CCSER1: variants seen among roughly 807,000 people sequenced by gnomAD.
CCSER1 encodes serine-rich coiled-coil domain-containing protein 1.
Under a neutral mutation model 82.0 loss-of-function variants are expected in CCSER1, and 41 were observed. The ratio of observed to expected loss-of-function variants is 0.50; its 90% CI spans 0.39 to 0.65. CCSER1 has a LOEUF of 0.65. Ranked by LOEUF, CCSER1 falls within the 30% of genes least tolerant of loss-of-function variation. CCSER1 has a pLI of 0.00. For missense variants in CCSER1, 1,119 were observed against 1,064.2 expected, an observed-to-expected ratio of 1.05 and a Z score of -0.72; for synonymous variants, 414 against 383.9, an observed-to-expected ratio of 1.08 and a Z score of -0.92.
At chr4:90,950,385 C>T (rs11728310) in intron 9 of CCSER1, among the ~76,000 whole-genome samples, 2,266 of 152,124 alleles carry the variant, frequency 0.015, 39 homozygotes, top group East Asian at 0.045. Flanking sequence ...ATTTTTATTA[C>T]TGAGTACGTC....
rs541840018 is a variant in CCSER1, at chr4:91,432,217, G to A, written c.2218-166355G>A. On this transcript the variant is annotated intron_variant, in intron 10 of 10. Coordinates refer to ENST00000509176, the MANE Select transcript of CCSER1 (RefSeq NM_001145065.2). ...GGCCTCCCTAGCTGTGTGGAACTGT[G>A]AGTCAATTAAACCTCTTTTCTCTAT... Among the ~76,000 whole-genome samples, 17 of 152,260 alleles carry A rather than the reference G, an allele frequency of 1.1e-4. 1 individual carries two copies. The South Asian group carries it at 2.9e-3, about 26-fold the overall frequency.
intron 10 of CCSER1, among the ~76,000 whole-genome samples, chr4:91,454,542 C>A (rs942052003): frequency 6.6e-6 from 1 of 152,018 alleles, no homozygotes; most frequent in Non-Finnish European, 1.5e-5. Flanking sequence ...TTTTGGCAAA[C>A]TTCCTTTTGC....
chr4:91,165,021 T>C (rs1731880102), intron 10 of CCSER1, among the ~76,000 whole-genome samples: 1 of 152,216 alleles, frequency 6.6e-6, no homozygotes, highest in Non-Finnish European at 1.5e-5. Flanking sequence ...GCTCTAATTT[T>C]TAGAATTTTC....
chr4:91,155,870 A>T (rs1730766154), intron 10 of CCSER1, among the ~76,000 whole-genome samples: 1 of 151,928 alleles, frequency 6.6e-6, no homozygotes, highest in Non-Finnish European at 1.5e-5. Flanking sequence ...ACAAGACCAT[A>T]TTTGGTTAGA....
intron 4 of CCSER1, among the ~76,000 whole-genome samples, chr4:90,414,633 G>A (rs1308228937): frequency 6.6e-6 from 1 of 151,940 alleles, no homozygotes; most frequent in Non-Finnish European, 1.5e-5. Flanking sequence ...TATTGTTTTT[G>A]TCACAAATTG....
At chr4:90,389,062 A>AT (rs775075784) in intron 3 of CCSER1, among the ~76,000 whole-genome samples, 2 of 152,198 alleles carry the variant, frequency 1.3e-5, no homozygotes, top group South Asian at 2.1e-4. Flanking sequence ...AAAAATGTCC[A>AT]TTTTTTAAGA....
chr4:90,342,917 G>T (rs2153505568), intron 3 of CCSER1, among the ~76,000 whole-genome samples: 1 of 151,404 alleles, frequency 6.6e-6, no homozygotes, highest in South Asian at 2.1e-4. Context: ...TTATCTTATT[G>T]CTCTTTTCTT....
chr4:90,797,896 C>T (rs992327381), intron 7 of CCSER1, among the ~76,000 whole-genome samples: 2 of 152,162 alleles, frequency 1.3e-5, no homozygotes, highest in African/African-American at 4.8e-5. Context: ...TCTCTAGCTC[C>T]CTTTAACATT....
chr4:91,179,161 C>G (rs900293190), intron 10 of CCSER1, among the ~76,000 whole-genome samples: 1 of 152,142 alleles, frequency 6.6e-6, no homozygotes, highest in African/African-American at 2.4e-5. Flanking sequence ...GAGTTTCTGC[C>G]AAGAGATACA....
chr4:90,915,507 A>T (rs1191274916), intron 8 of CCSER1, among the ~76,000 whole-genome samples: 3 of 152,206 alleles, frequency 2.0e-5, no homozygotes, highest in African/African-American at 7.2e-5. Context: ...TATTGATGGG[A>T]TGTATCTCAA....
At chr4:91,514,573 C>A (rs1373519774) in intron 10 of CCSER1, among the ~76,000 whole-genome samples, 1 of 152,038 alleles carries the variant, frequency 6.6e-6, no homozygotes, top group Non-Finnish European at 1.5e-5. Context: ...TTATTGTTGT[C>A]CAGGTAAGCC....
chr4:90,764,078 G>T (rs1389115111), intron 7 of CCSER1, among the ~76,000 whole-genome samples: 1 of 152,070 alleles, frequency 6.6e-6, no homozygotes, highest in Non-Finnish European at 1.5e-5. Flanking sequence ...AAGTTATATT[G>T]ACTCACCAGG....
intron 10 of CCSER1, among the ~76,000 whole-genome samples, chr4:91,254,049 T>A (rs747722080): frequency 1.3e-5 from 2 of 152,090 alleles, no homozygotes; most frequent in Non-Finnish European, 2.9e-5. Flanking sequence ...GGGACACAGA[T>A]TGAAACTATA....
At chr4:91,029,563 G>C (rs1170109595) in intron 9 of CCSER1, among the ~76,000 whole-genome samples, 1 of 151,932 alleles carries the variant, frequency 6.6e-6, no homozygotes, top group Non-Finnish European at 1.5e-5. Context: ...TCCATGACCT[G>C]CCTAAGTCTT....
chr4:90,539,132 A>G (rs1775784199), intron 5 of CCSER1, among the ~76,000 whole-genome samples: 2 of 152,136 alleles, frequency 1.3e-5, no homozygotes, highest in South Asian at 2.1e-4. Flanking sequence ...TTATATCACA[A>G]TTTTGTTTTA....
intron 1 of CCSER1, among the ~76,000 whole-genome samples, chr4:90,228,963 G>A (rs1031787065): frequency 1.3e-5 from 2 of 152,168 alleles, no homozygotes; most frequent in African/African-American, 4.8e-5. Flanking sequence ...AAGAAATATG[G>A]GACTACGTGT....
intron 5 of CCSER1, among the ~76,000 whole-genome samples, chr4:90,540,700 T>A (rs1775996332): frequency 6.6e-6 from 1 of 152,032 alleles, no homozygotes; most frequent in Admixed American, 6.6e-5. Flanking sequence ...GGCAGAGAGC[T>A]TAGGAAATCA....
At chr4:91,243,928 G>C (rs2149133992) in intron 10 of CCSER1, among the ~76,000 whole-genome samples, 1 of 152,270 alleles carries the variant, frequency 6.6e-6, no homozygotes, top group East Asian at 1.9e-4. Flanking sequence ...GTACCAGCTT[G>C]GCTATAGTAG....
intron 10 of CCSER1, among the ~76,000 whole-genome samples, chr4:91,203,257 C>CT (rs1450183209): frequency 6.6e-6 from 1 of 151,764 alleles, no homozygotes; most frequent in East Asian, 1.9e-4. Context: ...TGATGCTGAG[C>CT]TTTTTTTCAT....
Sources: gnomAD v4.1 joint callset for allele counts (sites outside exome capture counted in the v4.1 genomes callset) on GRCh38, gnomAD v4.1.1 for gene constraint, MANE v1.5 for transcripts, NCBI Gene and HGNC (gene_info 2026-07-23, HGNC 2026-07-21) for gene names.